Variants in SCHIP1 observed in about 807,000 individuals in gnomAD.
The protein encoded by SCHIP1 is schwannomin interacting protein 1.
A neutral mutation model predicts 29.7 loss-of-function variants in SCHIP1; 8 were observed. That is an observed-to-expected ratio of 0.27 (90% CI 0.16 to 0.49). SCHIP1 has a LOEUF of 0.49. Among genes scored for constraint, SCHIP1 ranks in the 20% least tolerant of loss-of-function variants. The pLI, the probability that SCHIP1 is intolerant of heterozygous loss-of-function variation, is 0.99. For missense variants in SCHIP1, 193 were observed against 294.6 expected, an observed-to-expected ratio of 0.66 and a Z score of 2.52; for synonymous variants, 76 against 94.9, an observed-to-expected ratio of 0.80 and a Z score of 1.16.
chr3:159,498,047 A>G, the SCHIP1 span, among the ~76,000 whole-genome samples: 2 of 152,358 alleles, frequency 1.3e-5, no homozygotes, highest in East Asian at 1.9e-4. Context: ...GCCATAATGT[A>G]GAAGTGAACA....
At chr3:159,744,813 T>TA in the SCHIP1 span, among the ~76,000 whole-genome samples, 33 of 150,826 alleles carry the variant, frequency 2.2e-4, 1 homozygote, top group Admixed American at 1.3e-3. Flanking sequence ...TCACCTCTAC[T>TA]AAAAAAAAAT....
the SCHIP1 span, among the ~76,000 whole-genome samples, chr3:159,438,898 C>A: frequency 6.6e-6 from 1 of 152,132 alleles, no homozygotes. Flanking sequence ...CACTGATGGG[C>A]ATTTATGTTG....
At chr3:159,746,974 C>G in the SCHIP1 span, among the ~76,000 whole-genome samples, 1 of 152,184 alleles carries the variant, frequency 6.6e-6, no homozygotes, top group African/African-American at 2.4e-5. Context: ...TTTTCCATAG[C>G]ACTCTTTTAC....
chr3:159,709,012 C>A, the SCHIP1 span, among the ~76,000 whole-genome samples: 1 of 152,042 alleles, frequency 6.6e-6, no homozygotes, highest in African/African-American at 2.4e-5. Context: ...GTCATGTGAT[C>A]CTCAAAGGTC....
At chr3:159,303,936 T>C in the SCHIP1 span, among the ~76,000 whole-genome samples, 17 of 152,238 alleles carry the variant, frequency 1.1e-4, no homozygotes, top group African/African-American at 3.6e-4. Context: ...TATGTATACA[T>C]GTGCCACGCT....
chr3:159,279,734 T>C, the SCHIP1 span, among the ~76,000 whole-genome samples: 1 of 151,990 alleles, frequency 6.6e-6, no homozygotes, highest in Non-Finnish European at 1.5e-5. Context: ...AGCTGAAAAA[T>C]AATTTATTAG....
the SCHIP1 span, among the ~76,000 whole-genome samples, chr3:159,541,667 A>G: frequency 6.6e-6 from 1 of 152,078 alleles, no homozygotes; most frequent in Admixed American, 6.6e-5. Flanking sequence ...TTGTTCCTTA[A>G]TTGAACAAAA....
chr3:159,701,622 A>G, the SCHIP1 span, among the ~76,000 whole-genome samples: 1 of 152,168 alleles, frequency 6.6e-6, no homozygotes, highest in East Asian at 1.9e-4. Context: ...TATATTTTCT[A>G]TATGATCTGT....
At chr3:159,704,008 T>C in the SCHIP1 span, among the ~76,000 whole-genome samples, 3 of 152,326 alleles carry the variant, frequency 2.0e-5, no homozygotes, top group South Asian at 6.2e-4. Context: ...CTCTTTAAAG[T>C]AATTATTGTC....
the SCHIP1 span, among the ~76,000 whole-genome samples, chr3:159,434,029 A>G: frequency 6.6e-6 from 1 of 152,146 alleles, no homozygotes; most frequent in East Asian, 1.9e-4. Context: ...TTGAACTGCA[A>G]TTATTTTAAG....
chr3:159,676,775 G>A, the SCHIP1 span, among the ~76,000 whole-genome samples: 10 of 152,216 alleles, frequency 6.6e-5, no homozygotes, highest in East Asian at 5.8e-4. Flanking sequence ...TCCAAGCTCC[G>A]TGGTCATCCA....
the SCHIP1 span, among the ~76,000 whole-genome samples, chr3:159,458,244 T>C: frequency 6.6e-6 from 1 of 152,208 alleles, no homozygotes; most frequent in African/African-American, 2.4e-5. Context: ...CCAGTAGTTG[T>C]CCTTTCTCAG....
chr3:159,451,013 T>TTAG, the SCHIP1 span, among the ~76,000 whole-genome samples: 1 of 152,202 alleles, frequency 6.6e-6, no homozygotes, highest in Non-Finnish European at 1.5e-5. Context: ...TTTCACTGTG[T>TTAG]TAGCCAGGAT....
the SCHIP1 span, among the ~76,000 whole-genome samples, chr3:159,344,952 CT>C: frequency 6.6e-6 from 1 of 152,120 alleles, no homozygotes; most frequent in Middle Eastern, 3.2e-3. Context: ...AAAAGTTTTA[CT>C]TAAGAAAAAT....
At chr3:159,444,810 G>A in the SCHIP1 span, among the ~76,000 whole-genome samples, 1 of 152,272 alleles carries the variant, frequency 6.6e-6, no homozygotes, top group Admixed American at 6.5e-5. Context: ...GTGGACCTTC[G>A]ATGTGATGAA....
the SCHIP1 span, among the ~76,000 whole-genome samples, chr3:159,302,334 A>C: frequency 6.7e-6 from 1 of 149,670 alleles, no homozygotes; most frequent in East Asian, 1.9e-4. Flanking sequence ...CAATAAGTTT[A>C]TTGTAATCTA....
chr3:159,691,528 A>G, the SCHIP1 span, among the ~76,000 whole-genome samples: 2 of 150,356 alleles, frequency 1.3e-5, no homozygotes, highest in African/African-American at 4.9e-5. Flanking sequence ...AATACAGCAC[A>G]CCAATCGGTC....
the SCHIP1 span, chr3:159,764,579 G>T: frequency 6.2e-7 from 1 of 1,606,952 alleles, no homozygotes; most frequent in Non-Finnish European, 8.5e-7. The surrounding 1 kb of genome is among the most constrained non-coding windows in gnomAD (Gnocchi z 6.1). Context: ...CCGGGGGGCA[G>T]CCTGGACTTG....
the SCHIP1 span, among the ~76,000 whole-genome samples, chr3:159,680,032 A>G: frequency 1.3e-5 from 2 of 149,306 alleles, no homozygotes; most frequent in African/African-American, 5.0e-5. Context: ...TGCTTTATTT[A>G]TCTCGGTACT....
Sources: allele counts gnomAD v4.1 joint callset (sites outside exome capture counted in the v4.1 genomes callset), GRCh38; gene constraint gnomAD v4.1.1; non-coding constraint Gnocchi (gnomAD v3.1); transcripts MANE v1.5; gene names NCBI Gene and HGNC (gene_info 2026-07-23, HGNC 2026-07-21).